Variants in PDZRN3 observed in about 807,000 individuals in gnomAD.
The protein encoded by PDZRN3 is E3 ubiquitin-protein ligase PDZRN3.
A neutral mutation model predicts 85.7 loss-of-function variants in PDZRN3; 38 were observed. The observed-to-expected ratio is 0.44, with a 90% CI of 0.34 to 0.58. The LOEUF is 0.58. Among genes scored for constraint, PDZRN3 ranks in the 20% least tolerant of loss-of-function variants. The pLI, the probability that PDZRN3 is intolerant of heterozygous loss-of-function variation, is 0.01. For synonymous variants in PDZRN3, 759 were observed against 638.0 expected (o/e 1.19, Z -2.86); for missense variants, 1,629 against 1,506.4 (o/e 1.08, Z -1.35).
At position 73,555,146 on chromosome 3, in the gene PDZRN3, AT is replaced by A. The variant is rs897410433; in HGVS notation, c.918+47207del. On this transcript the variant is annotated intron_variant, in intron 3 of 9. Coordinates refer to ENST00000263666, the MANE Select transcript of PDZRN3 (RefSeq NM_015009.3). ...GTTATTTTTTGAATCAGAGCCAGTA[AT>A]TTTTTTTTTCTTTCAGAGAGGATGA... Among the ~76,000 whole-genome samples, 652 of 150,844 alleles carry A rather than the reference AT, an allele frequency of 4.3e-3. 1 individual carries two copies. Among genetic ancestry groups the A allele is most frequent in the African/African-American group, 0.015 (604 of 41,132 alleles).
chr3:73,466,945 T>C lies in PDZRN3; in HGVS notation c.919-62550A>G, dbSNP rs143259107. ...GTGATGCATCATTTCATTTTTCCTC[T>C]GTAGGACGTTTGGGTAGATTCTAAA... is the stretch of plus-strand genomic sequence containing the variant. On this transcript the variant is annotated intron_variant, in intron 3 of 9. Coordinates refer to ENST00000263666, the MANE Select transcript of PDZRN3 (RefSeq NM_015009.3). Among the ~76,000 whole-genome samples, 152 of 152,314 alleles carry C rather than the reference T, an allele frequency of 1.0e-3. 3 individuals are homozygous for C. The East Asian group carries it at 0.024, about 24-fold the overall frequency.
intron 3 of PDZRN3, among the ~76,000 whole-genome samples, chr3:73,437,370 G>A (rs1327142330): frequency 6.6e-6 from 1 of 152,096 alleles, no homozygotes; most frequent in African/African-American, 2.4e-5. Flanking sequence ...TCATGTAACC[G>A]CTAGAAAACT....
At chr3:73,384,990 G>T (rs1226882166) in intron 9 of PDZRN3, 60 bp from the exon 10 acceptor site, 1 of 1,528,082 alleles carries the variant, frequency 6.5e-7, no homozygotes. Context: ...AGGTACTCAG[G>T]TTTGACCTTT....
chr3:73,428,165 G>C (rs1180758107), intron 3 of PDZRN3, among the ~76,000 whole-genome samples: 1 of 152,154 alleles, frequency 6.6e-6, no homozygotes, highest in Non-Finnish European at 1.5e-5. Flanking sequence ...ACAGGGCTCT[G>C]TGAGCCACAG....
At chr3:73,569,751 C>G (rs1011442975) in intron 3 of PDZRN3, among the ~76,000 whole-genome samples, 6 of 152,188 alleles carry the variant, frequency 3.9e-5, no homozygotes, top group African/African-American at 1.4e-4. Context: ...CTGGGCTGGA[C>G]TAGGGCTGGC....
intron 3 of PDZRN3, among the ~76,000 whole-genome samples, chr3:73,495,442 C>T (rs1703849049): frequency 6.6e-6 from 1 of 152,204 alleles, no homozygotes; most frequent in Admixed American, 6.5e-5. Context: ...CATGTATATG[C>T]ATCTTCCCAT....
rs143771121 is a variant in PDZRN3 at position 73,384,523 on chromosome 3, C to T, written c.2043G>A (p.Val681=). ...CGTTCAGCAGCTCCAGCTCCTTGTC[C>T]ACGCTCTCAGGGTCACTCTTGCCGG... ...LDAGKSDPES[V]DKELELLNEE... is the part of the protein sequence containing the mutation. Residue 681 remains valine (V), a synonymous_variant, in exon 10 of 10, where the codon GTG becomes GTA. Transcript: ENST00000263666. 7 of 1,613,658 alleles carry T rather than the reference C, an allele frequency of 4.3e-6. No homozygotes were observed. The highest frequency in any genetic ancestry group is 5.1e-6 in the Non-Finnish European group (6 of 1,180,054).
chr3:73,604,974 A>C (rs959069493), intron 2 of PDZRN3, among the ~76,000 whole-genome samples: 3 of 152,174 alleles, frequency 2.0e-5, no homozygotes, highest in Admixed American at 2.0e-4. Context: ...CAATCCCAGC[A>C]CTTTGGGAGG....
intron 3 of PDZRN3, among the ~76,000 whole-genome samples, chr3:73,563,795 T>A (rs1357818117): frequency 1.3e-5 from 2 of 152,176 alleles, no homozygotes; most frequent in Non-Finnish European, 2.9e-5. Flanking sequence ...GAGGTATAAT[T>A]ATCATTCTAA....
At chr3:73,425,080 TCTCGGCTCACTGCAAG>T (rs1559672598) in intron 3 of PDZRN3, among the ~76,000 whole-genome samples, 1 of 151,620 alleles carries the variant, frequency 6.6e-6, no homozygotes, top group Non-Finnish European at 1.5e-5. Context: ...AGTGGTATGA[TCTCGGCTCACTGCAAG>T]CTCCACCTCC....
intron 3 of PDZRN3, among the ~76,000 whole-genome samples, chr3:73,453,419 A>AC (rs370220956): frequency 0.21 from 28,648 of 133,536 alleles, 4,028 homozygotes; most frequent in East Asian, 0.42. Flanking sequence ...AAAAAAAAAA[A>AC]AAAACAAAAA....
chr3:73,454,181 C>T (rs1559688023), intron 3 of PDZRN3, among the ~76,000 whole-genome samples: 1 of 152,152 alleles, frequency 6.6e-6, no homozygotes, highest in African/African-American at 2.4e-5. Flanking sequence ...ATTCCTACCC[C>T]TGGCACATAT....
chr3:73,535,316 C>G (rs1464098485), intron 3 of PDZRN3, among the ~76,000 whole-genome samples: 1 of 152,206 alleles, frequency 6.6e-6, no homozygotes, highest in Non-Finnish European at 1.5e-5. Context: ...GTGACAATCA[C>G]TTTGTGATGA....
intron 3 of PDZRN3, among the ~76,000 whole-genome samples, chr3:73,564,306 C>T (rs928769625): frequency 3.3e-5 from 5 of 152,172 alleles, no homozygotes; most frequent in African/African-American, 4.8e-5. Context: ...GCCCTCCCTA[C>T]CCTTCTTTGT....
intron 3 of PDZRN3, among the ~76,000 whole-genome samples, chr3:73,447,041 C>A (rs1353713519): frequency 1.4e-5 from 2 of 140,982 alleles, no homozygotes; most frequent in African/African-American, 5.3e-5. Flanking sequence ...AACCTCTTGA[C>A]TATATATATA....
At chr3:73,473,036 T>C (rs936306284) in intron 3 of PDZRN3, among the ~76,000 whole-genome samples, 1 of 152,188 alleles carries the variant, frequency 6.6e-6, no homozygotes, top group Non-Finnish European at 1.5e-5. Flanking sequence ...CAAACTTGGA[T>C]GTGTACACCT....
At chr3:73,493,173 T>C (rs1015313232) in intron 3 of PDZRN3, among the ~76,000 whole-genome samples, 15 of 152,052 alleles carry the variant, frequency 9.9e-5, no homozygotes, top group African/African-American at 3.6e-4. Context: ...GAGGGCTCTT[T>C]CAAGCCCAGA....
intron 1 of PDZRN3, among the ~76,000 whole-genome samples, chr3:73,608,903 A>C (rs1702643269): frequency 6.6e-6 from 1 of 152,198 alleles, no homozygotes; most frequent in African/African-American, 2.4e-5. Flanking sequence ...CTAACCCTGG[A>C]ATGACCACCT....
chr3:73,580,934 T>C (rs73102409), intron 3 of PDZRN3, among the ~76,000 whole-genome samples: 4 of 152,348 alleles, frequency 2.6e-5, no homozygotes, highest in Non-Finnish European at 5.9e-5. Flanking sequence ...TGAAATACAA[T>C]GCAGCTGCCT....
Sources: gnomAD v4.1 joint callset for allele counts (sites outside exome capture counted in the v4.1 genomes callset) on GRCh38, gnomAD v4.1.1 for gene constraint, MANE v1.5 for transcripts, NCBI Gene and HGNC (gene_info 2026-07-23, HGNC 2026-07-21) for gene names.